The following ARHGAP44 variants were observed in gnomAD, a reference collection of about 807,000 sequenced individuals.
The protein encoded by ARHGAP44 is rho GTPase-activating protein 44.
In ARHGAP44, 43 loss-of-function variants were observed where a neutral mutation model predicts 106.8. That is an observed-to-expected ratio of 0.40 (90% CI 0.32 to 0.52). ARHGAP44 has a LOEUF of 0.52. Ranked by LOEUF, ARHGAP44 falls within the 20% of genes least tolerant of loss-of-function variation. The pLI, the probability that ARHGAP44 is intolerant of heterozygous loss-of-function variation, is 0.48. For synonymous variants in ARHGAP44, 439 were observed against 410.3 expected, an observed-to-expected ratio of 1.07 and a Z score of -0.85; for missense variants, 866 against 1,050.5, an observed-to-expected ratio of 0.82 and a Z score of 2.43.
chr17:12,899,820 C>T (rs1300211221), intron 3 of ARHGAP44, among the ~76,000 whole-genome samples: 2 of 152,178 alleles, frequency 1.3e-5, no homozygotes, highest in Non-Finnish European at 2.9e-5. Flanking sequence ...TACTTGAGCA[C>T]ATGTAAGTTG....
At position 12,974,406 on chromosome 17, in the gene ARHGAP44, C is replaced by T; in HGVS notation, c.1763+96C>T. On this transcript the variant is annotated intron_variant, in intron 18 of 20. Coordinates refer to ENST00000379672, the MANE Select transcript of ARHGAP44 (RefSeq NM_014859.6). ...GAGGCCTCTTGGATTTCGTCGTTTC[C>T]CATGCCCCCGCCCCCATTTCTAAGC... is the stretch of plus-strand genomic sequence containing the variant. The T allele has an allele frequency of 2.9e-6, 3 of 1,046,466 alleles. 1 individual carries two copies. Among genetic ancestry groups the T allele is most frequent in the Non-Finnish European group, 1.3e-6 (1 of 787,084 alleles). The allele number at this position is 1,046,466 out of a possible 1,614,324, so 64.8% of individuals were successfully genotyped here. A position where few individuals can be genotyped will look rare whatever the true frequency, so the allele number is the denominator to read the frequency against.
At chr17:12,804,924 C>T (rs2150770287) in intron 1 of ARHGAP44, among the ~76,000 whole-genome samples, 1 of 152,332 alleles carries the variant, frequency 6.6e-6, no homozygotes, top group East Asian at 1.9e-4. Context: ...ATCCCCCCTT[C>T]CTAGCTTCCT....
chr17:12,904,145 C>T (rs2037476265), intron 3 of ARHGAP44, among the ~76,000 whole-genome samples: 1 of 152,006 alleles, frequency 6.6e-6, no homozygotes, highest in Admixed American at 6.6e-5. Flanking sequence ...CTCGTTCTGT[C>T]ACCCAGGCTG....
intron 3 of ARHGAP44, among the ~76,000 whole-genome samples, chr17:12,902,952 T>G (rs1277112793): frequency 6.6e-6 from 1 of 152,086 alleles, no homozygotes; most frequent in Non-Finnish European, 1.5e-5. Context: ...GGAGTGGCTG[T>G]TGAGAACCAC....
chr17:12,891,175 C>G (rs1006309575), intron 1 of ARHGAP44, among the ~76,000 whole-genome samples: 3 of 152,190 alleles, frequency 2.0e-5, no homozygotes, highest in Admixed American at 6.5e-5. Context: ...AGCAATGCAG[C>G]CTTTTTCTAG....
At chr17:12,872,203 A>G (rs558616329) in intron 1 of ARHGAP44, among the ~76,000 whole-genome samples, 7 of 152,162 alleles carry the variant, frequency 4.6e-5, no homozygotes, top group Non-Finnish European at 8.8e-5. Context: ...TTTATGGACT[A>G]TCTTGTTTTT....
chr17:12,927,481 C>T (rs949554204), intron 6 of ARHGAP44, among the ~76,000 whole-genome samples: 3 of 152,210 alleles, frequency 2.0e-5, no homozygotes, highest in African/African-American at 7.2e-5. Context: ...TCAGAGGCTG[C>T]AGACTGATGG....
chr17:12,910,018 A>C (rs548375678), intron 4 of ARHGAP44, among the ~76,000 whole-genome samples: 1 of 152,340 alleles, frequency 6.6e-6, no homozygotes, highest in Admixed American at 6.5e-5. Flanking sequence ...GAATGCCAGA[A>C]GATAATGGAG....
intron 1 of ARHGAP44, among the ~76,000 whole-genome samples, chr17:12,863,024 A>G (rs987837312): frequency 6.6e-6 from 1 of 151,888 alleles, no homozygotes; most frequent in African/African-American, 2.4e-5. Flanking sequence ...ACAATGTCTC[A>G]TGGCTATAAT....
chr17:12,863,026 G>T (rs910549640), intron 1 of ARHGAP44, among the ~76,000 whole-genome samples: 1 of 151,752 alleles, frequency 6.6e-6, no homozygotes, highest in African/African-American at 2.4e-5. Context: ...AATGTCTCAT[G>T]GCTATAATCC....
chr17:12,956,723 A>G lies in ARHGAP44; in HGVS notation c.1319A>G (p.His440Arg). ...IVGIIEPIIQHADWFFPGEIE... is the reference protein window; with the variant it reads ...IVGIIEPIIQRADWFFPGEIE... Reference sequence around the variant, plus strand: ...GGGATCATTGAACCTATCATCCAGCATGCAGACTGGTTCTTCCCTGGGGGT... The same window carrying G: ...GGGATCATTGAACCTATCATCCAGCGTGCAGACTGGTTCTTCCCTGGGGGT... The change falls in exon 15 of 21, where the codon CAT becomes CGT. Residue 440 changes from histidine to arginine, a missense_variant. This residue lies in a region of ARHGAP44 where 448 missense variants were observed against 646.9 expected (regional missense o/e 0.69). Transcript: ENST00000379672. 6.2e-7 allele frequency: 1 copy of G among 1,614,180 alleles called. No individual in the cohort carries two copies.
intron 1 of ARHGAP44, among the ~76,000 whole-genome samples, chr17:12,856,508 A>G (rs2035916524): frequency 6.6e-6 from 1 of 152,340 alleles, no homozygotes; most frequent in Non-Finnish European, 1.5e-5. Context: ...GCCCTAGGCA[A>G]TTGTGAAATA....
At chr17:12,976,141 A>C (rs1371442462) in intron 18 of ARHGAP44, among the ~76,000 whole-genome samples, 2 of 152,136 alleles carry the variant, frequency 1.3e-5, no homozygotes, top group Non-Finnish European at 2.9e-5. Context: ...AAAGTTTTGG[A>C]GACTTTGGGA....
chr17:12,951,917 G>A (rs7208457), intron 12 of ARHGAP44, among the ~76,000 whole-genome samples: 3,339 of 152,184 alleles, frequency 0.022, 110 homozygotes, highest in African/African-American at 0.076. Flanking sequence ...ATGAACCTCT[G>A]ATGAAGCTGA....
rs1215743757 is a variant in ARHGAP44, at chr17:12,949,557, C to T, written c.974-92C>T. On this transcript the variant is annotated intron_variant, in intron 11 of 20. Coordinates refer to ENST00000379672, the MANE Select transcript of ARHGAP44 (RefSeq NM_014859.6). The surrounding 1 kb of genome is among the most constrained non-coding windows in gnomAD (Gnocchi z 4.1). ...TGACATGGTGGTCAGGAGGCCCATC[C>T]CCAGATGGAACCCACATAGGCAGTG... 5 of 1,231,798 alleles carry T rather than the reference C, an allele frequency of 4.1e-6. No homozygotes were observed. Among genetic ancestry groups the T allele is most frequent in the Non-Finnish European group, 5.8e-6 (5 of 857,620 alleles). The allele number at this position is 1,231,798 out of a possible 1,614,324, so 76.3% of individuals were successfully genotyped here.
intron 1 of ARHGAP44, among the ~76,000 whole-genome samples, chr17:12,834,682 A>T (rs1158417073): frequency 6.6e-6 from 1 of 152,208 alleles, no homozygotes; most frequent in Non-Finnish European, 1.5e-5. Flanking sequence ...ATACACAAAC[A>T]AAGTCCCTTC....
Position 12,949,741 on chromosome 17 carries a change from C to T in ARHGAP44, c.1055+11C>T. 6.2e-7 allele frequency: 1 copy of T among 1,609,810 alleles called. No individual in the cohort carries two copies. The highest frequency in any genetic ancestry group is 1.1e-5 in the South Asian group (1 of 90,948). On this transcript the variant is annotated intron_variant, in intron 12 of 20. Coordinates refer to ENST00000379672, the MANE Select transcript of ARHGAP44 (RefSeq NM_014859.6). This position sits in a 1 kb window ranked among gnomAD's most constrained non-coding sequence, Gnocchi z 4.1. ...GATCCAGGCTTCCAAGTGAGTACCCCTTGTTTTGGAATGTCCTGTGAGTTA... is the reference window on the plus strand; with the variant it reads ...GATCCAGGCTTCCAAGTGAGTACCCTTTGTTTTGGAATGTCCTGTGAGTTA...
intron 1 of ARHGAP44, among the ~76,000 whole-genome samples, chr17:12,879,698 C>T (rs1390471465): frequency 1.1e-5 from 1 of 94,634 alleles, no homozygotes; most frequent in African/African-American, 2.9e-5. Context: ...TATATATATA[C>T]ACATACACAC....
At chr17:12,907,757 T>C (rs1206721481) in intron 3 of ARHGAP44, among the ~76,000 whole-genome samples, 1 of 152,238 alleles carries the variant, frequency 6.6e-6, no homozygotes, top group Admixed American at 6.5e-5. Flanking sequence ...TTGGCCTTTG[T>C]GAATAGTGTT....
Sources: gnomAD v4.1 joint callset for allele counts (sites outside exome capture counted in the v4.1 genomes callset) on GRCh38, gnomAD v4.1.1 for gene constraint, gnomAD v4.1.1 regional missense constraint, Gnocchi (gnomAD v3.1) non-coding constraint, MANE v1.5 for transcripts, NCBI Gene and HGNC (gene_info 2026-07-23, HGNC 2026-07-21) for gene names.